Variants in KRT72 observed in about 807,000 individuals in gnomAD.
The protein encoded by KRT72 is keratin 72, also known as keratin, type II cytoskeletal 72.
A neutral mutation model predicts 44.7 loss-of-function variants in KRT72; 44 were observed. That is an observed-to-expected ratio of 0.98 (90% CI 0.77 to 1.27). KRT72 has a LOEUF of 1.27. Among genes scored for constraint, KRT72 ranks in the 50% most tolerant of loss-of-function variants. The pLI is 0.00. For missense variants in KRT72, 736 were observed against 667.1 expected (o/e 1.10, Z -1.14); for synonymous variants, 302 against 280.4 (o/e 1.08, Z -0.77).
Position 52,587,758 on chromosome 12 carries a change from C to T in KRT72, c.1183G>A (p.Ala395Thr), listed in dbSNP as rs145882334. 4.0e-5 allele frequency: 65 copies of T among 1,614,066 alleles called. No individual in the cohort carries two copies. The Middle Eastern group carries it at 6.6e-4, about 16-fold the overall frequency. Reference sequence around the variant, plus strand: ...AGCTCCTCCTTGGCCTGGTGCAGGGCGCCCTCCAGCTCATCCAGCTTGGCC... The same window carrying T: ...AGCTCCTCCTTGGCCTGGTGCAGGGTGCCCTCCAGCTCATCCAGCTTGGCC... The part of the protein sequence containing the change: ...ARAKLDELEG[A>T]LHQAKEELAR... Residue 395 changes from alanine (A) to threonine (T), a missense_variant, in exon 7 of 9, where the codon GCC becomes ACC. Coordinates refer to ENST00000293745, the MANE Select transcript of KRT72 (RefSeq NM_080747.3).
At chr12:52,594,854 G>A (rs149591878) in intron 2 of KRT72, among the ~76,000 whole-genome samples, 1 of 152,306 alleles carries the variant, frequency 6.6e-6, no homozygotes, top group Non-Finnish European at 1.5e-5. Flanking sequence ...GATCTTTCTA[G>A]TTATGCTATA....
intron 7 of KRT72, among the ~76,000 whole-genome samples, 177 bp downstream of exon 7, chr12:52,587,454 T>C (rs1939811498): frequency 6.6e-6 from 1 of 152,186 alleles, no homozygotes; most frequent in African/African-American, 2.4e-5. Flanking sequence ...CTTTGGGATT[T>C]TTTACAACTT....
At chr12:52,588,552 T>G (rs1209179693) in intron 6 of KRT72, among the ~76,000 whole-genome samples, 2 of 152,178 alleles carry the variant, frequency 1.3e-5, no homozygotes, top group Non-Finnish European at 2.9e-5. Context: ...AAATAGCTAA[T>G]GCATGCTGTG....
upstream of KRT72, among the ~76,000 whole-genome samples, chr12:52,602,048 C>G (rs1940490558): frequency 6.6e-6 from 1 of 152,186 alleles, no homozygotes; most frequent in South Asian, 2.1e-4. Context: ...ACCTCTCAGT[C>G]TGTTGGAGAA....
In KRT72 at chr12:52,586,902, T is replaced by A. The variant is rs201822114; in HGVS notation, c.1345+44A>T. 863 of 1,588,084 alleles carry A rather than the reference T, an allele frequency of 5.4e-4. 1 individual carries two copies. Among genetic ancestry groups the A allele is most frequent in the Middle Eastern group, 2.3e-3 (14 of 6,038 alleles). On this transcript the variant is annotated intron_variant, in intron 8 of 8. Transcript: ENST00000293745. ...CATGAATTAAAGGGACTCGGACTTC[T>A]GGTAAGGTGACCAAGGGCAGAACTG...
At chr12:52,592,994 A>G in intron 2 of KRT72, 42 bp from the exon 3 acceptor site, 1 of 1,576,756 alleles carries the variant, frequency 6.3e-7, no homozygotes, top group Non-Finnish European at 8.7e-7. Context: ...TTCTGCAAAC[A>G]CTCACTGAAC....
chr12:52,598,130 C>T (rs1940281452), intron 2 of KRT72, among the ~76,000 whole-genome samples: 1 of 152,236 alleles, frequency 6.6e-6, no homozygotes, highest in South Asian at 2.1e-4. Flanking sequence ...AGCCTGTCCT[C>T]ACAATCTGTG....
At position 52,587,621 on chromosome 12, in the gene KRT72, G is replaced by C; in HGVS notation, c.1310+10C>G. On this transcript the variant is annotated intron_variant, in intron 7 of 8. Transcript: ENST00000293745. ...AACTGGTCCCGACACAAGGGTATCCGGCCCCTCACCTGCACTCCTCGCTCT... is the reference window on the plus strand; with the variant it reads ...AACTGGTCCCGACACAAGGGTATCCCGCCCCTCACCTGCACTCCTCGCTCT... The C allele has an allele frequency of 6.2e-7, 1 of 1,613,720 alleles. No individual in the cohort carries two copies.
At position 52,585,864 on chromosome 12, in the gene KRT72, G is replaced by T; in HGVS notation, c.*118C>A. On this transcript the variant is annotated 3_prime_UTR_variant, in exon 9 of 9. Coordinates refer to ENST00000293745, the MANE Select transcript of KRT72 (RefSeq NM_080747.3). ...GAGGACAACAGGGAGAGGAAATGGG[G>T]TTGGGACTGTAGTGACAGACAAAGC... 4.4e-6 allele frequency: 4 copies of T among 918,754 alleles called. No homozygotes were observed. The highest frequency in any genetic ancestry group is 6.8e-6 in the Non-Finnish European group (4 of 586,600). The allele number at this position is 918,754 out of a possible 1,614,324, so 56.9% of individuals were successfully genotyped here. A position where few individuals can be genotyped will look rare whatever the true frequency, so the allele number is the denominator to read the frequency against.
At chr12:52,590,123 C>T (rs918032045) in intron 6 of KRT72, among the ~76,000 whole-genome samples, 2 of 152,128 alleles carry the variant, frequency 1.3e-5, no homozygotes, top group Non-Finnish European at 2.9e-5. Context: ...AACCCTTGCA[C>T]TGCTTTCACA....
At chr12:52,596,211 G>A (rs191430204) in intron 2 of KRT72, among the ~76,000 whole-genome samples, 5 of 152,268 alleles carry the variant, frequency 3.3e-5, no homozygotes, top group Admixed American at 1.3e-4. Flanking sequence ...AAGGCATTCC[G>A]AGAACTAAAT....
upstream of KRT72, among the ~76,000 whole-genome samples, chr12:52,602,427 C>T (rs1940505400): frequency 6.6e-6 from 1 of 152,188 alleles, no homozygotes; most frequent in African/African-American, 2.4e-5. Context: ...GATTCTAGAA[C>T]TTCATTCCCT....
At chr12:52,592,595 C>T in intron 3 of KRT72, 104 bp from the exon 4 acceptor site, 2 of 840,316 alleles carry the variant, frequency 2.4e-6, no homozygotes, top group Admixed American at 2.4e-5. Flanking sequence ...TCACCCTGTG[C>T]TTCATGGGGG....
At position 52,598,893 on chromosome 12, in the gene KRT72, C is replaced by G; in HGVS notation, c.641+5G>C. On this transcript the variant is annotated splice_donor_5th_base_variant and intron_variant, in intron 2 of 8. Coordinates refer to ENST00000293745, the MANE Select transcript of KRT72 (RefSeq NM_080747.3). The stretch of plus-strand genomic sequence containing the variant: ...CCAGGGCCATATTCCCTGCCACTCA[C>G]TCACCTCTTCTTGTAGTCCTCCACC... The G allele has an allele frequency of 6.2e-7, 1 of 1,613,746 alleles. No individual in the cohort carries two copies. The highest frequency in any genetic ancestry group is 8.5e-7 in the Non-Finnish European group (1 of 1,179,632).
intron 8 of KRT72, 134 bp from the exon 9 acceptor site, chr12:52,586,306 T>C: frequency 3.0e-6 from 2 of 656,026 alleles, no homozygotes; most frequent in African/African-American, 3.6e-5. Flanking sequence ...CTCTCTGTTG[T>C]GTGTTTCAGT....
chr12:52,601,244 C>T lies in KRT72; in HGVS notation c.209G>A (p.Arg70His), dbSNP rs1565624179. The change falls in exon 1 of 9, where the codon CGC becomes CAC. Residue 70 changes from arginine (R) to histidine (H), a missense_variant. Transcript: ENST00000293745. ...LSAAARRGGG[R>H]LGGFVGTAFG... ...GGCGGTGCCCACGAAGCCGCCCAGG[C>T]GGCCGCCGCCCCGCCGTGCAGCAGC... 1 of 1,573,604 alleles carries T rather than the reference C, an allele frequency of 6.4e-7. No homozygotes were observed. The highest frequency in any genetic ancestry group is 8.6e-7 in the Non-Finnish European group (1 of 1,159,948).
Position 52,599,189 on chromosome 12 carries a change from C to G in KRT72, c.427-77G>C, listed in dbSNP as rs1940325538. 6 of 1,396,132 alleles carry G rather than the reference C, an allele frequency of 4.3e-6. No individual in the cohort carries two copies. In the Admixed American group the frequency reaches 1.1e-4, roughly 25 times the overall value. The allele number at this position is 1,396,132 out of a possible 1,614,324, so 86.5% of individuals were successfully genotyped here. A position where few individuals can be genotyped will look rare whatever the true frequency, so the allele number is the denominator to read the frequency against. Reference sequence around the variant, plus strand: ...AGAGTGGGGAAAGGGCCCCAAAAACCAGAGGCAGCCATCCTGGGGGACTGG... The same window carrying G: ...AGAGTGGGGAAAGGGCCCCAAAAACGAGAGGCAGCCATCCTGGGGGACTGG... On this transcript the variant is annotated intron_variant, in intron 1 of 8. Coordinates refer to ENST00000293745, the MANE Select transcript of KRT72 (RefSeq NM_080747.3).
upstream of KRT72, among the ~76,000 whole-genome samples, chr12:52,602,186 G>T (rs942494098): frequency 1.3e-5 from 2 of 152,202 alleles, no homozygotes; most frequent in East Asian, 1.9e-4. Context: ...AGGGAAGAAG[G>T]CCTGGGGAGG....
At chr12:52,595,155 A>G (rs1445674982) in intron 2 of KRT72, among the ~76,000 whole-genome samples, 1 of 152,176 alleles carries the variant, frequency 6.6e-6, no homozygotes, top group Non-Finnish European at 1.5e-5. Flanking sequence ...CATTAGCTGT[A>G]AATAATTTTA....
Sources: allele counts gnomAD v4.1 joint callset (sites outside exome capture counted in the v4.1 genomes callset), GRCh38; gene constraint gnomAD v4.1.1; transcripts MANE v1.5; gene names NCBI Gene and HGNC (gene_info 2026-07-23, HGNC 2026-07-21).